CFAP57: variants seen among roughly 807,000 people sequenced by gnomAD.
The protein encoded by CFAP57 is cilia- and flagella-associated protein 57.
Under a neutral mutation model 146.8 loss-of-function variants are expected in CFAP57, and 116 were observed. The ratio of observed to expected loss-of-function variants is 0.79; its 90% CI spans 0.68 to 0.92. The LOEUF is 0.92. Among genes scored for constraint, CFAP57 ranks in the 40% least tolerant of loss-of-function variants. CFAP57 has a pLI of 0.00. For missense variants in CFAP57, 1,377 were observed against 1,527.2 expected, an observed-to-expected ratio of 0.90 and a Z score of 1.64; for synonymous variants, 518 against 552.8, an observed-to-expected ratio of 0.94 and a Z score of 0.88.
chr1:43,249,400 T>C (rs1266190908), intron 22 of CFAP57, among the ~76,000 whole-genome samples: 1 of 150,762 alleles, frequency 6.6e-6, no homozygotes, highest in Non-Finnish European at 1.5e-5. Context: ...ACAAAGTTAG[T>C]TATTTCCTTC....
chr1:43,193,060 T>C (rs775035212), intron 6 of CFAP57, among the ~76,000 whole-genome samples: 4 of 152,242 alleles, frequency 2.6e-5, no homozygotes, highest in Non-Finnish European at 5.9e-5. Flanking sequence ...TAGGTGCACA[T>C]ATCTTTACAA....
intron 11 of CFAP57, among the ~76,000 whole-genome samples, chr1:43,214,340 T>C (rs985827826): frequency 4.6e-5 from 7 of 152,236 alleles, no homozygotes; most frequent in African/African-American, 1.7e-4. Context: ...AGTCTGTTGA[T>C]TGTTTCCTTT....
chr1:43,194,933 G>A (rs1023983342), intron 6 of CFAP57: 25 of 152,236 alleles, frequency 1.6e-4, no homozygotes, highest in African/African-American at 3.4e-4. Context: ...GGGTGCTGCC[G>A]TAGGGAATTT....
At chr1:43,199,204 T>A (rs534503375) in intron 8 of CFAP57, among the ~76,000 whole-genome samples, 186 bp from the exon 9 acceptor site, 1 of 152,144 alleles carries the variant, frequency 6.6e-6, no homozygotes, top group South Asian at 2.1e-4. Context: ...CCACTATGAG[T>A]TACAGGAATA....
chr1:43,217,979 A>C (rs1644900938), intron 12 of CFAP57, among the ~76,000 whole-genome samples: 1 of 152,160 alleles, frequency 6.6e-6, no homozygotes, highest in Non-Finnish European at 1.5e-5. Flanking sequence ...CTGGCCAGGC[A>C]TTCCTGCTCC....
At chr1:43,200,648 G>A (rs768888203) in intron 9 of CFAP57, among the ~76,000 whole-genome samples, 2 of 152,160 alleles carry the variant, frequency 1.3e-5, no homozygotes, top group African/African-American at 4.8e-5. Context: ...AGAGGCCATT[G>A]GAAAAGAGAG....
intron 11 of CFAP57, among the ~76,000 whole-genome samples, chr1:43,214,204 G>A (rs1644746328): frequency 6.6e-6 from 1 of 152,022 alleles, no homozygotes; most frequent in African/African-American, 2.4e-5. Flanking sequence ...ACTTTTTAAT[G>A]AGATTTTTAG....
At chr1:43,199,269 C>G (rs542839825) in intron 8 of CFAP57, 121 bp from the exon 9 acceptor site, 5 of 905,150 alleles carry the variant, frequency 5.5e-6, no homozygotes, top group South Asian at 2.6e-5. Context: ...ACCTTCCCCC[C>G]ACTCCCACCC....
intron 11 of CFAP57, chr1:43,210,973 AC>A (rs1281595810): frequency 6.7e-6 from 1 of 150,052 alleles, no homozygotes; most frequent in Non-Finnish European, 1.5e-5. Context: ...CCTACACTGG[AC>A]CCCCCAAAAA....
chr1:43,202,289 G>A (rs1644158891), intron 9 of CFAP57, among the ~76,000 whole-genome samples: 1 of 152,038 alleles, frequency 6.6e-6, no homozygotes, highest in African/African-American at 2.4e-5. Flanking sequence ...TAAAAGGCAG[G>A]AAATAAAGAT....
At chr1:43,247,596 C>A (rs1467899611) in intron 22 of CFAP57, among the ~76,000 whole-genome samples, 1 of 152,182 alleles carries the variant, frequency 6.6e-6, no homozygotes, top group East Asian at 1.9e-4. Flanking sequence ...TAAAATATTT[C>A]TTATTTTGCC....
chr1:43,236,567 C>T (rs1404905974), intron 21 of CFAP57, among the ~76,000 whole-genome samples: 1 of 118,906 alleles, frequency 8.4e-6, no homozygotes, highest in East Asian at 2.5e-4. Flanking sequence ...GCACTAGGCA[C>T]TGGCCTGGTA....
intron 18 of CFAP57, among the ~76,000 whole-genome samples, chr1:43,227,339 C>T (rs1206686966): frequency 2.0e-5 from 3 of 152,244 alleles, no homozygotes; most frequent in Non-Finnish European, 4.4e-5. Context: ...TGGGAGTTAA[C>T]TTGCCACGGG....
In CFAP57 at chr1:43,198,543, G is replaced by A. The variant is rs1643965506; in HGVS notation, c.1325G>A (p.Gly442Glu). 6.2e-7 allele frequency: 1 copy of A among 1,613,964 alleles called. No homozygotes were observed. The highest frequency in any genetic ancestry group is 1.3e-5 in the African/African-American group (1 of 74,904). ...EAYSISLHPS[G>E]HFIVVGFADK... Reference sequence around the variant, plus strand: ...TATTCCATCAGCCTTCATCCATCTGGACACTTCATTGTAGTAGGGTTTGCT... The same window carrying A: ...TATTCCATCAGCCTTCATCCATCTGAACACTTCATTGTAGTAGGGTTTGCT... The change falls in exon 8 of 23, where the codon GGA becomes GAA. Residue 442 changes from glycine to glutamate, a missense_variant. Transcript: ENST00000372492.
intron 22 of CFAP57, among the ~76,000 whole-genome samples, chr1:43,251,454 A>G (rs1341612498): frequency 6.6e-6 from 1 of 152,242 alleles, no homozygotes; most frequent in East Asian, 1.9e-4. Flanking sequence ...AAGGAGCCTG[A>G]AGGTCCTTTC....
In CFAP57 at chr1:43,198,602, G is replaced by T. The variant is rs1274362309; in HGVS notation, c.1384G>T (p.Asp462Tyr). The T allele has an allele frequency of 6.2e-7, 1 of 1,613,912 alleles. No homozygotes were observed. Among genetic ancestry groups the T allele is most frequent in the Admixed American group, 1.7e-5 (1 of 59,990 alleles). ...KLRLMNLLIDDIRSFKEYSVR... is the reference protein window; with the variant it reads ...KLRLMNLLIDYIRSFKEYSVR... ...ACGCCTCATGAATCTACTCATTGAT[G>T]ATATACGTTCTTTCAAAGAATACTC... Residue 462 changes from aspartate (D) to tyrosine (Y), a missense_variant, in exon 8 of 23, where the codon GAT (aspartate) becomes TAT (tyrosine). Asp to Tyr is a radical substitution (Grantham distance 160). Transcript: ENST00000372492.
At chr1:43,195,854 G>A (rs186824644) in intron 6 of CFAP57, among the ~76,000 whole-genome samples, 1 of 152,210 alleles carries the variant, frequency 6.6e-6, no homozygotes, top group African/African-American at 2.4e-5. Context: ...TCATAGGGAG[G>A]AACAGAAGTA....
intron 22 of CFAP57, among the ~76,000 whole-genome samples, chr1:43,246,355 G>A (rs1191524171): frequency 2.6e-5 from 4 of 152,090 alleles, no homozygotes; most frequent in African/African-American, 9.7e-5. Flanking sequence ...AGAATATAGA[G>A]GCCAGATATA....
chr1:43,216,986 C>T (rs12140718), intron 12 of CFAP57, among the ~76,000 whole-genome samples: 4,817 of 152,278 alleles, frequency 0.032, 93 homozygotes, highest in South Asian at 0.083. Flanking sequence ...CATGAAAGAA[C>T]GATGCTGTGG....
Sources: gnomAD v4.1 joint callset for allele counts (sites outside exome capture counted in the v4.1 genomes callset) on GRCh38, gnomAD v4.1.1 for gene constraint, MANE v1.5 for transcripts, NCBI Gene and HGNC (gene_info 2026-07-23, HGNC 2026-07-21) for gene names.